The following GPC5 variants were observed in gnomAD, a reference collection of about 807,000 sequenced individuals.
GPC5 encodes glypican-5.
Under a neutral mutation model 53.9 loss-of-function variants are expected in GPC5, and 47 were observed. That is an observed-to-expected ratio of 0.87 (90% CI 0.69 to 1.11). GPC5 has a LOEUF of 1.11. GPC5 is among the 50% of genes most tolerant of loss of function. GPC5 has a pLI of 0.00. For synonymous variants in GPC5, 286 were observed against 263.3 expected (o/e 1.09, Z -0.84); for missense variants, 748 against 713.1 (o/e 1.05, Z -0.56).
chr13:92,011,262 A>G (rs769779177), intron 6 of GPC5, among the ~76,000 whole-genome samples: 60 of 152,180 alleles, frequency 3.9e-4, no homozygotes, highest in Admixed American at 1.5e-3. Flanking sequence ...TTAATAGACG[A>G]ATTGGTCCAT....
At chr13:91,623,389 A>G (rs931151124) in intron 2 of GPC5, among the ~76,000 whole-genome samples, 3 of 152,094 alleles carry the variant, frequency 2.0e-5, no homozygotes, top group Non-Finnish European at 4.4e-5. Flanking sequence ...TCTCGAGACC[A>G]TGGTGCAACA....
At chr13:91,911,286 G>A (rs2039607759) in intron 6 of GPC5, among the ~76,000 whole-genome samples, 1 of 152,124 alleles carries the variant, frequency 6.6e-6, no homozygotes, top group Non-Finnish European at 1.5e-5. Context: ...GCTCATGCCT[G>A]TAATCTCAGC....
intron 7 of GPC5, among the ~76,000 whole-genome samples, chr13:92,295,284 A>G (rs2043026906): frequency 6.6e-6 from 1 of 152,230 alleles, no homozygotes; most frequent in African/African-American, 2.4e-5. Context: ...CCCAATGATC[A>G]TTCAGGAACA....
chr13:92,292,206 T>A (rs2043001598), intron 7 of GPC5, among the ~76,000 whole-genome samples: 2 of 152,220 alleles, frequency 1.3e-5, no homozygotes, highest in Non-Finnish European at 2.9e-5. Flanking sequence ...TACCCAGTAG[T>A]GGGATTGCTG....
intron 7 of GPC5, among the ~76,000 whole-genome samples, chr13:92,647,162 A>C (rs935855220): frequency 5.9e-5 from 9 of 152,054 alleles, no homozygotes; most frequent in African/African-American, 2.2e-4. Context: ...GTTGGATATA[A>C]ATTGTTAGAA....
At chr13:91,629,601 C>A (rs140176217) in intron 2 of GPC5, among the ~76,000 whole-genome samples, 2 of 152,006 alleles carry the variant, frequency 1.3e-5, no homozygotes, top group African/African-American at 4.8e-5. Context: ...AGAGATCACG[C>A]TATTACACTC....
At chr13:92,059,183 A>T (rs1455780910) in intron 6 of GPC5, among the ~76,000 whole-genome samples, 5 of 152,186 alleles carry the variant, frequency 3.3e-5, no homozygotes, top group African/African-American at 1.2e-4. Context: ...GAATATGTTC[A>T]TATCTATATC....
At chr13:91,611,762 A>G (rs921471187) in intron 2 of GPC5, among the ~76,000 whole-genome samples, 26 of 152,148 alleles carry the variant, frequency 1.7e-4, no homozygotes, top group Admixed American at 6.5e-5. Flanking sequence ...GTCTTGATGC[A>G]TATTCCTTGG....
At chr13:92,720,773 A>G (rs1299111190) in intron 7 of GPC5, among the ~76,000 whole-genome samples, 4 of 152,156 alleles carry the variant, frequency 2.6e-5, no homozygotes, top group African/African-American at 9.6e-5. Flanking sequence ...TCGCTGTTCT[A>G]CTTACAGAAG....
At chr13:92,469,088 C>G (rs1878809579) in intron 7 of GPC5, among the ~76,000 whole-genome samples, 1 of 152,072 alleles carries the variant, frequency 6.6e-6, no homozygotes, top group Non-Finnish European at 1.5e-5. Context: ...GTGCATAGGA[C>G]AGGTCAAGAT....
chr13:92,279,900 G>A (rs758411661), intron 7 of GPC5, among the ~76,000 whole-genome samples: 1 of 152,004 alleles, frequency 6.6e-6, no homozygotes, highest in Non-Finnish European at 1.5e-5. Context: ...TTTGATATCG[G>A]TCGAATTCTG....
chr13:91,747,001 C>A (rs1007533899), intron 4 of GPC5, among the ~76,000 whole-genome samples: 6 of 152,080 alleles, frequency 3.9e-5, no homozygotes, highest in Non-Finnish European at 8.8e-5. Context: ...TGTTAGTTTG[C>A]ACATAGCAAA....
At chr13:92,573,603 T>C (rs941898751) in intron 7 of GPC5, among the ~76,000 whole-genome samples, 2 of 152,162 alleles carry the variant, frequency 1.3e-5, no homozygotes, top group Non-Finnish European at 2.9e-5. Flanking sequence ...TGTTAAAATT[T>C]CTCGGTAGAG....
intron 7 of GPC5, among the ~76,000 whole-genome samples, chr13:92,720,414 T>G (rs752256701): frequency 6.6e-6 from 1 of 152,150 alleles, no homozygotes; most frequent in Non-Finnish European, 1.5e-5. Context: ...GTTCTTACTT[T>G]AAGAGTTAAA....
chr13:92,176,710 G>T (rs898199315), intron 7 of GPC5, among the ~76,000 whole-genome samples: 9 of 152,048 alleles, frequency 5.9e-5, no homozygotes, highest in Admixed American at 5.9e-4. Flanking sequence ...CCTCCAGAGT[G>T]CCTGGAGCTA....
intron 2 of GPC5, among the ~76,000 whole-genome samples, chr13:91,509,457 C>T (rs1163470667): frequency 9.8e-6 from 1 of 102,440 alleles, no homozygotes; most frequent in Non-Finnish European, 2.5e-5. Context: ...TTTGCATAGG[C>T]ATTCTTATGA....
chr13:92,548,388 A>T (rs1882199177), intron 7 of GPC5, among the ~76,000 whole-genome samples: 1 of 151,306 alleles, frequency 6.6e-6, no homozygotes, highest in Admixed American at 6.6e-5. Flanking sequence ...AAAAATATAA[A>T]TTATATAAAT....
intron 6 of GPC5, among the ~76,000 whole-genome samples, chr13:91,961,362 T>C (rs1420837683): frequency 3.3e-5 from 5 of 151,970 alleles, no homozygotes; most frequent in African/African-American, 4.8e-5. Flanking sequence ...AATAGAATGA[T>C]GGAACTGAAT....
intron 7 of GPC5, among the ~76,000 whole-genome samples, chr13:92,760,016 G>C (rs1875095738): frequency 6.6e-6 from 1 of 151,998 alleles, no homozygotes; most frequent in South Asian, 2.1e-4. Context: ...GTATAACATT[G>C]ACTGATTTGC....
Sources: gnomAD v4.1 joint callset for allele counts (sites outside exome capture counted in the v4.1 genomes callset) on GRCh38, gnomAD v4.1.1 for gene constraint, MANE v1.5 for transcripts, NCBI Gene and HGNC (gene_info 2026-07-23, HGNC 2026-07-21) for gene names.